Variants in A1CF observed in about 807,000 individuals in gnomAD.
A1CF encodes APOBEC-1 stimulating protein.
A neutral mutation model predicts 68.9 loss-of-function variants in A1CF; 48 were observed. The ratio of observed to expected loss-of-function variants is 0.70; its 90% CI spans 0.55 to 0.89. The LOEUF (loss-of-function observed/expected upper bound fraction) is 0.89, where lower values mean the gene tolerates loss of function less well. Among genes scored for constraint, A1CF ranks in the 40% least tolerant of loss-of-function variants. A1CF has a pLI of 0.00. For synonymous variants in A1CF, 272 were observed against 260.4 expected, an observed-to-expected ratio of 1.04 and a Z score of -0.43; for missense variants, 653 against 718.9, an observed-to-expected ratio of 0.91 and a Z score of 1.05.
At chr10:50,850,388 T>C (rs952720383) in intron 3 of A1CF, among the ~76,000 whole-genome samples, 5 of 152,238 alleles carry the variant, frequency 3.3e-5, no homozygotes, top group African/African-American at 9.6e-5. Context: ...GTATCAACGT[T>C]TGAAGCATTC....
At chr10:50,857,339 G>A (rs531994296) in intron 3 of A1CF, among the ~76,000 whole-genome samples, 195 of 152,194 alleles carry the variant, frequency 1.3e-3, no homozygotes, top group Non-Finnish European at 2.3e-3. Context: ...TAGCTGTTTT[G>A]AAATATGTAA....
intron 8 of A1CF, among the ~76,000 whole-genome samples, chr10:50,819,289 C>A (rs1386974533): frequency 6.6e-6 from 1 of 152,060 alleles, no homozygotes; most frequent in Non-Finnish European, 1.5e-5. Context: ...TGCTACCATG[C>A]TCGGCTAATT....
intron 1 of A1CF, among the ~76,000 whole-genome samples, chr10:50,870,697 T>C (rs1841224330): frequency 6.6e-6 from 1 of 151,848 alleles, no homozygotes; most frequent in South Asian, 2.1e-4. Flanking sequence ...TATAAATCTC[T>C]TTAAAAGCAA....
intron 7 of A1CF, among the ~76,000 whole-genome samples, chr10:50,820,906 T>C (rs1258857273): frequency 6.6e-6 from 1 of 152,174 alleles, no homozygotes; most frequent in Non-Finnish European, 1.5e-5. Flanking sequence ...AGGGTGGGAA[T>C]TCCATCTTCT....
At chr10:50,860,970 G>GA (rs1840718074) in intron 2 of A1CF, among the ~76,000 whole-genome samples, 1 of 152,152 alleles carries the variant, frequency 6.6e-6, no homozygotes, top group African/African-American at 2.4e-5. Context: ...TGCCAACCAG[G>GA]ACAGAGGAAT....
At chr10:50,826,582 GA>G (rs1838949845) in intron 7 of A1CF, among the ~76,000 whole-genome samples, 1 of 152,134 alleles carries the variant, frequency 6.6e-6, no homozygotes, top group South Asian at 2.1e-4. Flanking sequence ...AGCAAATTCT[GA>G]GAGATTTTGT....
intron 1 of A1CF, among the ~76,000 whole-genome samples, chr10:50,871,264 C>A (rs2132581009): frequency 6.6e-6 from 1 of 151,540 alleles, no homozygotes; most frequent in African/African-American, 2.4e-5. Context: ...ATAGAAATAA[C>A]AAGTGAAGTA....
intron 1 of A1CF, among the ~76,000 whole-genome samples, chr10:50,883,657 TG>T: frequency 6.6e-6 from 1 of 152,202 alleles, no homozygotes; most frequent in East Asian, 1.9e-4. Context: ...TGAGAGATAT[TG>T]ATAGATGTTC....
chr10:50,868,572 C>T (rs1841103953), intron 1 of A1CF, among the ~76,000 whole-genome samples: 1 of 152,112 alleles, frequency 6.6e-6, no homozygotes, highest in African/African-American at 2.4e-5. Flanking sequence ...ACCAGAACCT[C>T]CTCTATGTTT....
intron 6 of A1CF, among the ~76,000 whole-genome samples, chr10:50,835,350 G>GA (rs1328217287): frequency 6.6e-6 from 1 of 152,034 alleles, no homozygotes; most frequent in Admixed American, 6.6e-5. Flanking sequence ...ATTTTCATGA[G>GA]AAAAGTTCAT....
At chr10:50,867,875 C>T (rs1841067783) in intron 1 of A1CF, among the ~76,000 whole-genome samples, 1 of 152,116 alleles carries the variant, frequency 6.6e-6, no homozygotes, top group Non-Finnish European at 1.5e-5. Flanking sequence ...GAAATGAAGG[C>T]ATTCTGTTAA....
Position 50,801,267 on chromosome 10 carries a change from C to G in A1CF, c.*5462G>C, listed in dbSNP as rs1031622060. ...TCCATTCTTCTCTGTTTACTATGAC[C>G]CTGCTCAGTCAGAAAGAAGTAGCTA... On this transcript the variant is annotated 3_prime_UTR_variant, in exon 13 of 13. Transcript: ENST00000373997. The G allele has an allele frequency of 6.6e-6, 1 of 152,106 alleles. No homozygotes were observed. Among genetic ancestry groups the G allele is most frequent in the African/African-American group, 2.4e-5 (1 of 41,416 alleles). 9.4% of individuals were successfully genotyped at this position (152,106 alleles called of 1,614,324 possible).
At chr10:50,811,276 G>T in intron 10 of A1CF, 100 bp from the exon 11 acceptor site, 1 of 1,191,560 alleles carries the variant, frequency 8.4e-7, no homozygotes, top group Non-Finnish European at 1.1e-6. Flanking sequence ...GTTCAAGCTA[G>T]TATCTGAAGA....
chr10:50,874,138 T>G (rs1841398422), intron 1 of A1CF, among the ~76,000 whole-genome samples: 1 of 152,176 alleles, frequency 6.6e-6, no homozygotes, highest in African/African-American at 2.4e-5. Context: ...AGGAAAAATG[T>G]TACCTTAACT....
At chr10:50,831,282 C>G (rs1250691299) in intron 6 of A1CF, among the ~76,000 whole-genome samples, 1 of 152,116 alleles carries the variant, frequency 6.6e-6, no homozygotes, top group Non-Finnish European at 1.5e-5. Context: ...ACTAAACTTT[C>G]CGCACAGCAA....
intron 1 of A1CF, among the ~76,000 whole-genome samples, chr10:50,870,665 G>C (rs11591939): frequency 0.32 from 48,739 of 151,554 alleles, 7,928 homozygotes; most frequent in East Asian, 0.45. Flanking sequence ...ACCAGATCCA[G>C]ATGGTTTTAT....
intron 1 of A1CF, among the ~76,000 whole-genome samples, chr10:50,867,452 T>C (rs948538421): frequency 1.3e-5 from 2 of 152,278 alleles, no homozygotes; most frequent in Non-Finnish European, 2.9e-5. Context: ...AAAACAAATC[T>C]GTTCTCATTC....
intron 8 of A1CF, 151 bp from the exon 9 acceptor site, chr10:50,816,430 T>A: frequency 1.1e-6 from 1 of 939,278 alleles, no homozygotes; most frequent in Non-Finnish European, 1.5e-6. Context: ...TTGTTTTGTA[T>A]GCCAGTTGAA....
At chr10:50,840,822 C>T (rs926217443) in intron 5 of A1CF, among the ~76,000 whole-genome samples, 1 of 152,212 alleles carries the variant, frequency 6.6e-6, no homozygotes. Flanking sequence ...GGTCCTTCCT[C>T]TGCTGTTCTT....
Sources: allele counts gnomAD v4.1 joint callset (sites outside exome capture counted in the v4.1 genomes callset), GRCh38; gene constraint gnomAD v4.1.1; transcripts MANE v1.5; gene names NCBI Gene and HGNC (gene_info 2026-07-23, HGNC 2026-07-21).